Variants in CNTN1 observed in about 807,000 individuals in gnomAD.
CNTN1 encodes contactin 1, also known as contactin-1.
A neutral mutation model predicts 126.4 loss-of-function variants in CNTN1; 38 were observed. The observed-to-expected ratio is 0.30, with a 90% CI of 0.23 to 0.39. CNTN1 has a LOEUF of 0.39. Ranked by LOEUF, CNTN1 falls within the 10% of genes least tolerant of loss-of-function variation. The pLI, the probability that CNTN1 is intolerant of heterozygous loss-of-function variation, is 1.00. For synonymous variants in CNTN1, 413 were observed against 422.6 expected (o/e 0.98, Z 0.28); for missense variants, 1,009 against 1,248.4 (o/e 0.81, Z 2.89).
At position 40,971,463 on chromosome 12, in the gene CNTN1, A is replaced by T; in HGVS notation, c.1805-9446A>T. The T allele has an allele frequency of 4.4e-6, 7 of 1,596,938 alleles. No homozygotes were observed. In the East Asian group the frequency reaches 1.3e-4, roughly 31 times the overall value. On this transcript the variant is annotated intron_variant, in intron 15 of 23. Coordinates refer to ENST00000551295, the MANE Select transcript of CNTN1 (RefSeq NM_001843.4). ...AAACAGAAAAGGTGGAGAGAAAAAC[A>T]TGGTGGATTCCTTTCTCCCCGTCTG...
Position 41,020,324 on chromosome 12 carries a change from C to T in CNTN1, c.2420-13C>T, listed in dbSNP as rs1037890294. The T allele has an allele frequency of 2.6e-6, 4 of 1,533,424 alleles. No homozygotes were observed. 95.0% of individuals were successfully genotyped at this position (1,533,424 alleles called of 1,614,324 possible). On this transcript the variant is annotated splice_polypyrimidine_tract_variant and intron_variant, in intron 19 of 23. Coordinates refer to ENST00000551295, the MANE Select transcript of CNTN1 (RefSeq NM_001843.4). ...TATCTCACTAATAATATAATGTTCT[C>T]ATAAAATTTCAGCTCCCAGTGAAGC...
At chr12:41,011,931 A>G (rs976793364) in intron 17 of CNTN1, among the ~76,000 whole-genome samples, 5 of 152,248 alleles carry the variant, frequency 3.3e-5, no homozygotes, top group African/African-American at 1.2e-4. Context: ...TCCTGAAGGA[A>G]GGACAGTATT....
chr12:40,874,526 T>C (rs1943607657), intron 1 of CNTN1, among the ~76,000 whole-genome samples: 1 of 152,130 alleles, frequency 6.6e-6, no homozygotes. Context: ...CATTTTCAAA[T>C]TTTTTAATGG....
chr12:40,878,002 T>C (rs1592194862), intron 1 of CNTN1, among the ~76,000 whole-genome samples: 1 of 89,634 alleles, frequency 1.1e-5, no homozygotes, highest in African/African-American at 6.0e-5. Flanking sequence ...TTTTTTTTTT[T>C]TTTTTTTTTT....
chr12:40,957,813 T>C (rs1271677919), intron 14 of CNTN1, among the ~76,000 whole-genome samples: 1 of 151,964 alleles, frequency 6.6e-6, no homozygotes, highest in Non-Finnish European at 1.5e-5. Flanking sequence ...TATATGGAGA[T>C]ATTAATATTC....
At chr12:41,067,109 C>T (rs1950062113) in intron 23 of CNTN1, among the ~76,000 whole-genome samples, 2 of 152,050 alleles carry the variant, frequency 1.3e-5, no homozygotes. Context: ...TTTAAAATGA[C>T]ATTAGATAGT....
At chr12:40,876,802 CA>C (rs1407883070) in intron 1 of CNTN1, among the ~76,000 whole-genome samples, 2 of 152,042 alleles carry the variant, frequency 1.3e-5, no homozygotes, top group African/African-American at 4.8e-5. Flanking sequence ...ATCTGTTGGA[CA>C]AATACTATTT....
intron 1 of CNTN1, among the ~76,000 whole-genome samples, chr12:40,693,977 A>G (rs1365960139): frequency 1.3e-5 from 2 of 152,204 alleles, no homozygotes; most frequent in Non-Finnish European, 2.9e-5. Flanking sequence ...GTGCCAATAT[A>G]ATCTTCATCC....
intron 1 of CNTN1, chr12:40,728,857 A>G (rs1035607265): frequency 1.3e-5 from 2 of 152,140 alleles, no homozygotes; most frequent in African/African-American, 2.4e-5. Context: ...GTCAATCTCT[A>G]TTGTCCTACC....
intron 1 of CNTN1, among the ~76,000 whole-genome samples, chr12:40,707,393 C>T (rs1309346330): frequency 1.3e-5 from 2 of 151,734 alleles, no homozygotes; most frequent in African/African-American, 4.8e-5. Context: ...GGACTACAGG[C>T]GCCTGCCACC....
chr12:40,839,921 G>A (rs183423357), intron 1 of CNTN1, among the ~76,000 whole-genome samples: 1 of 152,100 alleles, frequency 6.6e-6, no homozygotes, highest in East Asian at 1.9e-4. Flanking sequence ...GTATCAATAA[G>A]AGAAAAAGAA....
intron 1 of CNTN1, among the ~76,000 whole-genome samples, chr12:40,836,292 T>C (rs1942058434): frequency 6.7e-6 from 1 of 148,684 alleles, no homozygotes; most frequent in South Asian, 2.1e-4. Flanking sequence ...ATAACACATA[T>C]ATGTGTATAT....
At chr12:40,996,238 C>G (rs1308597634) in intron 17 of CNTN1, among the ~76,000 whole-genome samples, 2 of 151,856 alleles carry the variant, frequency 1.3e-5, no homozygotes, top group Admixed American at 1.3e-4. Flanking sequence ...CTCAAGCTAC[C>G]CTACTGCCTC....
chr12:40,725,423 A>AG (rs1322608568), intron 1 of CNTN1, among the ~76,000 whole-genome samples: 2 of 62,676 alleles, frequency 3.2e-5, no homozygotes, highest in East Asian at 1.6e-3. Context: ...AAAAAAAAAA[A>AG]GGAAAGAAAA....
intron 1 of CNTN1, among the ~76,000 whole-genome samples, chr12:40,728,425 A>G (rs1584094): frequency 0.38 from 57,081 of 151,946 alleles, 11,265 homozygotes; most frequent in African/African-American, 0.49. Flanking sequence ...ACCTAAAAAA[A>G]GGCAACTAGT....
chr12:40,810,890 G>A (rs1941035839), intron 1 of CNTN1, among the ~76,000 whole-genome samples: 1 of 152,102 alleles, frequency 6.6e-6, no homozygotes, highest in Non-Finnish European at 1.5e-5. Context: ...TAGGCATGGT[G>A]GTACATGACT....
In CNTN1 at chr12:40,941,920, T is replaced by C. The variant is rs538170492; in HGVS notation, c.1380-1677T>C. Among the ~76,000 whole-genome samples, 3 of 152,204 alleles carry C rather than the reference T, an allele frequency of 2.0e-5. No homozygotes were observed. In the East Asian group the frequency reaches 5.8e-4, roughly 29 times the overall value. On this transcript the variant is annotated intron_variant, in intron 12 of 23. Coordinates refer to ENST00000551295, the MANE Select transcript of CNTN1 (RefSeq NM_001843.4). ...AAATCAGGTTTTCTAAATATTTTTA[T>C]TAAAAAGTAATTTTAATCTCAAAGG...
intron 1 of CNTN1, among the ~76,000 whole-genome samples, chr12:40,857,500 T>C (rs1336288075): frequency 6.6e-6 from 1 of 152,044 alleles, no homozygotes; most frequent in African/African-American, 2.4e-5. Context: ...TAGAAACATT[T>C]ATACCTTTAA....
chr12:40,734,478 A>G (rs1942572436), intron 1 of CNTN1, among the ~76,000 whole-genome samples: 1 of 152,122 alleles, frequency 6.6e-6, no homozygotes, highest in Non-Finnish European at 1.5e-5. Context: ...ACAGCAGGGC[A>G]TCGTGGATGA....
Sources: gnomAD v4.1 joint callset for allele counts (sites outside exome capture counted in the v4.1 genomes callset) on GRCh38, gnomAD v4.1.1 for gene constraint, MANE v1.5 for transcripts, NCBI Gene and HGNC (gene_info 2026-07-23, HGNC 2026-07-21) for gene names.